NCOA3: variants seen among roughly 807,000 people sequenced by gnomAD.
NCOA3 encodes the protein CBP-interacting protein.
NCOA3 carries 51 observed loss-of-function variants against 158.8 expected under a neutral mutation model. The observed-to-expected ratio is 0.32, with a 90% CI of 0.26 to 0.41. The LOEUF is 0.41. Among genes scored for constraint, NCOA3 ranks in the 10% least tolerant of loss-of-function variants. The pLI, the probability that NCOA3 is intolerant of heterozygous loss-of-function variation, is 1.00. For missense variants in NCOA3, 1,510 were observed against 1,746.6 expected, an observed-to-expected ratio of 0.86 and a Z score of 2.41; for synonymous variants, 537 against 592.4, an observed-to-expected ratio of 0.91 and a Z score of 1.36.
chr20:47,655,595 C>T lies in NCOA3; in HGVS notation c.*2178C>T, dbSNP rs1404338462. The T allele has an allele frequency of 6.6e-6, 1 of 152,454 alleles. No homozygotes were observed. Among genetic ancestry groups the T allele is most frequent in the Non-Finnish European group, 1.5e-5 (1 of 68,014 alleles). The allele number at this position is 152,454 out of a possible 1,614,324, so 9.4% of individuals were successfully genotyped here. A position where few individuals can be genotyped will look rare whatever the true frequency, so the allele number is the denominator to read the frequency against. ...GAAAGATTGTAAATCCGAAAACTTC[C>T]ATTGTAGTGGCCTGTGCTTTTCAGA... On this transcript the variant is annotated 3_prime_UTR_variant, in exon 23 of 23. Coordinates refer to ENST00000371998, the MANE Select transcript of NCOA3 (RefSeq NM_181659.3).
intron 1 of NCOA3, among the ~76,000 whole-genome samples, chr20:47,540,240 C>T (rs1034743259): frequency 1.3e-5 from 2 of 152,242 alleles, no homozygotes; most frequent in African/African-American, 4.8e-5. Context: ...TGGCTTTAAA[C>T]ATTTTCTTTG....
chr20:47,606,057 A>G (rs2146267977), intron 2 of NCOA3, among the ~76,000 whole-genome samples: 1 of 152,306 alleles, frequency 6.6e-6, no homozygotes, highest in Non-Finnish European at 1.5e-5. Context: ...CACATTGCCC[A>G]GGCTGGTCTT....
chr20:47,623,897 G>T lies in NCOA3; in HGVS notation c.84-14G>T. The T allele has an allele frequency of 1.2e-6, 2 of 1,602,240 alleles. No individual in the cohort carries two copies. The highest frequency in any genetic ancestry group is 1.7e-6 in the Non-Finnish European group (2 of 1,177,026). ...TATGTCTCCTTTCCCCCCTTTCTAC[G>T]CCTTTTCCCTTAGTCTTACCTGCAG... On this transcript the variant is annotated splice_polypyrimidine_tract_variant and intron_variant, in intron 3 of 22. Transcript: ENST00000371998.
intron 2 of NCOA3, among the ~76,000 whole-genome samples, chr20:47,618,041 A>G (rs1384183104): frequency 6.6e-6 from 1 of 152,138 alleles, no homozygotes; most frequent in African/African-American, 2.4e-5. Flanking sequence ...GTTCGAGACC[A>G]GCCTGGCCAT....
At chr20:47,542,753 G>A (rs77319373) in intron 1 of NCOA3, among the ~76,000 whole-genome samples, 4,196 of 152,176 alleles carry the variant, frequency 0.028, 230 homozygotes, top group African/African-American at 0.096. Flanking sequence ...TTTGAGCCCC[G>A]GAGTTTGAGA....
intron 1 of NCOA3, among the ~76,000 whole-genome samples, chr20:47,546,327 A>G (rs2084826609): frequency 6.6e-6 from 1 of 152,100 alleles, no homozygotes; most frequent in Non-Finnish European, 1.5e-5. Flanking sequence ...AGTTATTGTA[A>G]TAACATCCTA....
At chr20:47,542,234 C>G (rs1314663514) in intron 1 of NCOA3, among the ~76,000 whole-genome samples, 1 of 149,520 alleles carries the variant, frequency 6.7e-6, no homozygotes, top group Non-Finnish European at 1.5e-5. Flanking sequence ...AAAAGGGGCT[C>G]TTGCTATGTT....
rs957999682 is a variant in NCOA3 at position 47,501,905 on chromosome 20, C to A, written c.-213C>A. The A allele has an allele frequency of 1.0e-5, 4 of 399,964 alleles. No homozygotes were observed. Among genetic ancestry groups the A allele is most frequent in the Non-Finnish European group, 1.8e-5 (4 of 227,062 alleles). The allele number at this position is 399,964 out of a possible 1,614,324, so 24.8% of individuals were successfully genotyped here. A position where few individuals can be genotyped will look rare whatever the true frequency, so the allele number is the denominator to read the frequency against. On this transcript the variant is annotated 5_prime_UTR_variant, in exon 1 of 23. Coordinates refer to ENST00000371998, the MANE Select transcript of NCOA3 (RefSeq NM_181659.3). The stretch of plus-strand genomic sequence containing the variant: ...CGACTTTAGCTGCTGCTGTCTCAGC[C>A]GCTCCACAGCGACGGCAGCGGCTGC...
intron 18 of NCOA3, among the ~76,000 whole-genome samples, chr20:47,648,043 T>C (rs892800252): frequency 1.3e-5 from 2 of 151,644 alleles, no homozygotes; most frequent in South Asian, 2.1e-4. Context: ...GCCTCCCGAG[T>C]AGCTGGGGAG....
chr20:47,536,144 G>T (rs1000962052), intron 1 of NCOA3, among the ~76,000 whole-genome samples: 6 of 152,150 alleles, frequency 3.9e-5, no homozygotes, highest in Non-Finnish European at 7.4e-5. Context: ...AGAAATGCTT[G>T]TTCTCACTTA....
chr20:47,625,237 A>G lies in NCOA3; in HGVS notation c.257-144A>G, dbSNP rs75167925. Reference sequence around the variant, plus strand: ...AGTTTTGATGTTATAATATTGTAGCATCATTCTCTTATGAGGAAATGTTTT... The same window carrying G: ...AGTTTTGATGTTATAATATTGTAGCGTCATTCTCTTATGAGGAAATGTTTT... On this transcript the variant is annotated intron_variant, in intron 4 of 22. Transcript: ENST00000371998. The G allele has an allele frequency of 2.7e-4, 164 of 598,766 alleles. No individual in the cohort carries two copies. In the East Asian group the frequency reaches 4.6e-3, roughly 17 times the overall value. The allele number at this position is 598,766 out of a possible 1,614,324, so 37.1% of individuals were successfully genotyped here. A position where few individuals can be genotyped will look rare whatever the true frequency, so the allele number is the denominator to read the frequency against.
intron 2 of NCOA3, among the ~76,000 whole-genome samples, chr20:47,597,467 T>C (rs1294821831): frequency 1.3e-5 from 2 of 151,892 alleles, no homozygotes; most frequent in East Asian, 3.9e-4. Context: ...TAGTCTTTTT[T>C]GATTCTAACC....
intron 2 of NCOA3, among the ~76,000 whole-genome samples, chr20:47,609,427 G>T (rs1251399404): frequency 1.3e-5 from 2 of 152,142 alleles, no homozygotes; most frequent in Non-Finnish European, 2.9e-5. Flanking sequence ...ATAATGAGGT[G>T]CCCCCAGCTT....
At position 47,624,032 on chromosome 20, in the gene NCOA3, T is replaced by C; in HGVS notation, c.205T>C (p.Cys69Arg). 6.2e-7 allele frequency: 1 copy of C among 1,612,806 alleles called. No homozygotes were observed. Among genetic ancestry groups the C allele is most frequent in the Non-Finnish European group, 8.5e-7 (1 of 1,179,622 alleles). ...IDNFNVKPDK[C>R]AILKETVRQI... Reference sequence around the variant, plus strand: ...CAATTTCAATGTCAAACCAGATAAATGTGCGATTTTAAAGGAAACAGTAAG... The same window carrying C: ...CAATTTCAATGTCAAACCAGATAAACGTGCGATTTTAAAGGAAACAGTAAG... Residue 69 changes from cysteine to arginine, a missense_variant, in exon 4 of 23, where the codon TGT (cysteine) becomes CGT (arginine). By Grantham distance (180) the Cys-to-Arg change is radical. Transcript: ENST00000371998.
chr20:47,599,737 A>G lies in NCOA3; in HGVS notation c.-20+16476A>G, dbSNP rs142975408. Among the ~76,000 whole-genome samples, 1,453 of 152,354 alleles carry G rather than the reference A, an allele frequency of 9.5e-3. 13 individuals carry two copies. Among genetic ancestry groups the G allele is most frequent in the Non-Finnish European group, 0.015 (996 of 68,028 alleles). ...CTCACTTCAAATTTTAAAAAACCTT[A>G]TTCAGTCTTTTTATAGAGGTCATCC... On this transcript the variant is annotated intron_variant, in intron 2 of 22. Transcript: ENST00000371998.
chr20:47,598,885 C>G (rs929074628), intron 2 of NCOA3, among the ~76,000 whole-genome samples: 2 of 152,176 alleles, frequency 1.3e-5, no homozygotes, highest in African/African-American at 2.4e-5. Context: ...AGGAATAGGA[C>G]CACATATATG....
At chr20:47,623,743 G>A (rs1012157619) in intron 3 of NCOA3, among the ~76,000 whole-genome samples, 168 bp from the exon 4 acceptor site, 6 of 151,566 alleles carry the variant, frequency 4.0e-5, no homozygotes, top group Non-Finnish European at 7.4e-5. Context: ...AGCCAAAGTC[G>A]CACCGTTGTA....
chr20:47,618,126 A>C (rs997087375), intron 2 of NCOA3, among the ~76,000 whole-genome samples: 5 of 152,010 alleles, frequency 3.3e-5, no homozygotes, highest in Non-Finnish European at 5.9e-5. Context: ...AATCTCAGCT[A>C]CTCGGGAGGC....
chr20:47,612,291 AC>A (rs1223520509), intron 2 of NCOA3, among the ~76,000 whole-genome samples: 3 of 152,230 alleles, frequency 2.0e-5, no homozygotes, highest in Non-Finnish European at 4.4e-5. Flanking sequence ...AAATAGAGTT[AC>A]ATACAAGTTT....
Sources: allele counts gnomAD v4.1 joint callset (sites outside exome capture counted in the v4.1 genomes callset), GRCh38; gene constraint gnomAD v4.1.1; transcripts MANE v1.5; gene names NCBI Gene and HGNC (gene_info 2026-07-23, HGNC 2026-07-21).